The following SMYD3 variants were observed in gnomAD, a reference collection of about 807,000 sequenced individuals.
SMYD3 encodes the protein histone-lysine N-methyltransferase SMYD3.
A neutral mutation model predicts 57.7 loss-of-function variants in SMYD3; 36 were observed. That is an observed-to-expected ratio of 0.62 (90% confidence interval 0.48 to 0.82). The LOEUF (loss-of-function observed/expected upper bound fraction) is 0.82, where lower values mean the gene tolerates loss of function less well. Ranked by LOEUF, SMYD3 falls within the 40% of genes least tolerant of loss-of-function variation. SMYD3 has a pLI of 0.00. For missense variants in SMYD3, 515 were observed against 538.8 expected, an observed-to-expected ratio of 0.96 and a Z score of 0.44; for synonymous variants, 211 against 195.0, an observed-to-expected ratio of 1.08 and a Z score of -0.68.
chr1:245,989,777 G>A lies in SMYD3; in HGVS notation c.532-59840C>T, dbSNP rs116668350. ...TATGGTAGGGTTTTGGGGACTGGAG[G>A]TGGTTTAGAGTTTTTTCCAATCTTA... is the stretch of plus-strand genomic sequence containing the variant. On this transcript the variant is annotated intron_variant, in intron 5 of 11. Transcript: ENST00000490107. Among the ~76,000 whole-genome samples, 446 of 152,330 alleles carry A rather than the reference G, an allele frequency of 2.9e-3. 1 individual carries two copies. Among genetic ancestry groups the A allele is most frequent in the African/African-American group, 9.7e-3 (403 of 41,574 alleles).
At chr1:246,007,630 C>T (rs368205622) in intron 5 of SMYD3, among the ~76,000 whole-genome samples, 204 of 149,038 alleles carry the variant, frequency 1.4e-3, no homozygotes, top group Non-Finnish European at 1.7e-3. Context: ...GGCAACACGG[C>T]GAAACCCCAT....
At chr1:246,198,763 C>T (rs900311667) in intron 5 of SMYD3, among the ~76,000 whole-genome samples, 10 of 152,034 alleles carry the variant, frequency 6.6e-5, no homozygotes, top group African/African-American at 2.4e-4. Flanking sequence ...TCAAAGGTCA[C>T]GATTTTCAGC....
At chr1:246,015,284 C>T (rs1027269664) in intron 5 of SMYD3, among the ~76,000 whole-genome samples, 3 of 152,110 alleles carry the variant, frequency 2.0e-5, no homozygotes, top group Non-Finnish European at 2.9e-5. Flanking sequence ...GGACATTTTC[C>T]CTTGGCCACT....
At chr1:245,954,138 A>G (rs764412533) in intron 5 of SMYD3, among the ~76,000 whole-genome samples, 1 of 152,212 alleles carries the variant, frequency 6.6e-6, no homozygotes, top group African/African-American at 2.4e-5. Flanking sequence ...AGGGGTCAAC[A>G]CTGTAATTAG....
intron 5 of SMYD3, among the ~76,000 whole-genome samples, chr1:246,237,772 A>G (rs1386827363): frequency 6.6e-6 from 1 of 152,200 alleles, no homozygotes; most frequent in African/African-American, 2.4e-5. Flanking sequence ...TGCCATCCGT[A>G]TCGTACTGTG....
chr1:246,491,367 GTC>G (rs2068267409), intron 1 of SMYD3, among the ~76,000 whole-genome samples: 1 of 152,082 alleles, frequency 6.6e-6, no homozygotes, highest in Non-Finnish European at 1.5e-5. Context: ...GCAAAACTCC[GTC>G]TGTACTAAAA....
intron 1 of SMYD3, among the ~76,000 whole-genome samples, chr1:246,385,641 T>C (rs1032329027): frequency 1.3e-5 from 2 of 152,150 alleles, no homozygotes; most frequent in Non-Finnish European, 2.9e-5. Context: ...GTATAAATAG[T>C]ACTGCCCTCC....
intron 5 of SMYD3, among the ~76,000 whole-genome samples, chr1:246,242,565 T>C (rs947484508): frequency 6.6e-6 from 1 of 152,108 alleles, no homozygotes; most frequent in Non-Finnish European, 1.5e-5. Context: ...CCAGCTAACA[T>C]CATAATGACA....
chr1:246,261,081 C>T (rs927656149), intron 5 of SMYD3, among the ~76,000 whole-genome samples: 29 of 151,922 alleles, frequency 1.9e-4, no homozygotes, highest in African/African-American at 5.3e-4. Flanking sequence ...TTATTTGAGA[C>T]GGCGTCTCAC....
At chr1:245,927,866 CG>C in intron 7 of SMYD3, 64 bp downstream of exon 7, 3 of 1,306,556 alleles carry the variant, frequency 2.3e-6, no homozygotes, top group Non-Finnish European at 3.2e-6. Flanking sequence ...GTTTTAGGGA[CG>C]GGCCGAGCTG....
Position 246,255,040 on chromosome 1 carries a change from G to C in SMYD3, c.531+72161C>G, listed in dbSNP as rs144206237. On this transcript the variant is annotated intron_variant, in intron 5 of 11. Coordinates refer to ENST00000490107, the MANE Select transcript of SMYD3 (RefSeq NM_001167740.2). Reference sequence around the variant, plus strand: ...AGGAGCCTTTTGGTGGAGTCTTTGGGACTTTACAGGTATATAATCATATCA... The same window carrying C: ...AGGAGCCTTTTGGTGGAGTCTTTGGCACTTTACAGGTATATAATCATATCA... Among the ~76,000 whole-genome samples the C allele has an allele frequency of 4.2e-3, 645 of 152,212 alleles. 4 individuals are homozygous for C. The highest frequency in any genetic ancestry group is 0.015 in the African/African-American group (627 of 41,526).
At chr1:246,281,737 A>G (rs1279179110) in intron 5 of SMYD3, among the ~76,000 whole-genome samples, 1 of 152,220 alleles carries the variant, frequency 6.6e-6, no homozygotes. Flanking sequence ...CTGAGAAAAC[A>G]GTGGAGGAAA....
At chr1:246,191,356 G>A (rs12402494) in intron 5 of SMYD3, among the ~76,000 whole-genome samples, 24,992 of 152,072 alleles carry the variant, frequency 0.16, 2,690 homozygotes, top group African/African-American at 0.3. Flanking sequence ...AGACTAGGCT[G>A]GTGGGTAAAA....
intron 5 of SMYD3, among the ~76,000 whole-genome samples, chr1:246,184,446 G>C (rs980031554): frequency 6.6e-6 from 1 of 152,160 alleles, no homozygotes; most frequent in Non-Finnish European, 1.5e-5. Flanking sequence ...CAATGACCAG[G>C]CCTCCTCTGG....
intron 1 of SMYD3, among the ~76,000 whole-genome samples, chr1:246,403,477 C>T (rs552601285): frequency 3.2e-4 from 48 of 152,244 alleles, no homozygotes; most frequent in African/African-American, 1.1e-3. Context: ...AAAAATATAT[C>T]CCAGTTTCCT....
intron 1 of SMYD3, among the ~76,000 whole-genome samples, chr1:246,496,070 C>T (rs964603135): frequency 1.2e-4 from 18 of 151,832 alleles, no homozygotes; most frequent in African/African-American, 4.4e-4. Flanking sequence ...TGGAGTCTCA[C>T]TCTGTCGCCA....
intron 10 of SMYD3, among the ~76,000 whole-genome samples, chr1:245,808,581 T>C (rs1170791702): frequency 1.3e-5 from 2 of 152,180 alleles, no homozygotes; most frequent in African/African-American, 2.4e-5. Context: ...GGCTGGCCAC[T>C]TTCCCCTTTC....
chr1:246,111,693 C>A (rs1241180332), intron 5 of SMYD3, among the ~76,000 whole-genome samples: 1 of 152,172 alleles, frequency 6.6e-6, no homozygotes, highest in Non-Finnish European at 1.5e-5. Context: ...GGTGCACATC[C>A]CCTTTGCGTC....
At chr1:246,504,473 A>G (rs925107837) in intron 1 of SMYD3, among the ~76,000 whole-genome samples, 1 of 152,232 alleles carries the variant, frequency 6.6e-6, no homozygotes, top group African/African-American at 2.4e-5. Flanking sequence ...AATGTACCTA[A>G]ACACAGAAAA....
Sources: gnomAD v4.1 joint callset for allele counts (sites outside exome capture counted in the v4.1 genomes callset) on GRCh38, gnomAD v4.1.1 for gene constraint, MANE v1.5 for transcripts, NCBI Gene and HGNC (gene_info 2026-07-23, HGNC 2026-07-21) for gene names.